IRF2: variants seen among roughly 807,000 people sequenced by gnomAD.
The protein encoded by IRF2 is interferon regulatory factor 2.
A neutral mutation model predicts 40.6 loss-of-function variants in IRF2; 15 were observed. The observed-to-expected ratio is 0.37, with a 90% CI of 0.25 to 0.57. The LOEUF is 0.57. Ranked by LOEUF, IRF2 falls within the 20% of genes least tolerant of loss-of-function variation. The pLI, the probability that IRF2 is intolerant of heterozygous loss-of-function variation, is 0.77. For missense variants in IRF2, 317 were observed against 455.7 expected (o/e 0.70, Z 2.77); for synonymous variants, 151 against 165.5 (o/e 0.91, Z 0.67).
intron 1 of IRF2, among the ~76,000 whole-genome samples, chr4:184,455,384 A>G (rs919849514): frequency 1.2e-4 from 16 of 129,850 alleles, no homozygotes; most frequent in African/African-American, 4.7e-4. Flanking sequence ...GCCTCAAGTG[A>G]TCCTCCCATC....
intron 6 of IRF2, among the ~76,000 whole-genome samples, chr4:184,401,992 G>A (rs1394780362): frequency 6.6e-6 from 1 of 152,152 alleles, no homozygotes; most frequent in Non-Finnish European, 1.5e-5. Flanking sequence ...TTCTCCCCAT[G>A]ACGTCCTAGT....
intron 7 of IRF2, 67 bp from the exon 8 acceptor site, chr4:184,390,816 G>A: frequency 1.3e-6 from 2 of 1,566,968 alleles, no homozygotes; most frequent in Non-Finnish European, 1.8e-6. Flanking sequence ...GGCTCAGGCA[G>A]TGTTTATAAA....
At chr4:184,432,071 G>A (rs1284879871) in intron 1 of IRF2, 3 of 152,164 alleles carry the variant, frequency 2.0e-5, no homozygotes, top group Non-Finnish European at 4.4e-5. Flanking sequence ...CAATTGTCAG[G>A]TAAAGCAAAG....
At chr4:184,426,871 G>A (rs1737693069) in intron 2 of IRF2, among the ~76,000 whole-genome samples, 1 of 152,204 alleles carries the variant, frequency 6.6e-6, no homozygotes, top group South Asian at 2.1e-4. Context: ...ATGCTACCTT[G>A]TTCCTCAAAA....
rs1454433682 is a variant in IRF2, at chr4:184,424,061, G to GAT, written c.88-4495_88-4494dup. On this transcript the variant is annotated intron_variant, in intron 2 of 8. Coordinates refer to ENST00000393593, the MANE Select transcript of IRF2 (RefSeq NM_002199.4). ...TGCTTTAATATACCAGATACACACA[G>GAT]ATACACACACACACACACACACAAA... Among the ~76,000 whole-genome samples, 3 of 105,320 alleles carry GAT rather than the reference G, an allele frequency of 2.8e-5. No homozygotes were observed. In the East Asian group the frequency reaches 7.3e-4, roughly 26 times the overall value. 69.1% of individuals were successfully genotyped at this position (105,320 alleles called of 152,430 possible). A position where few individuals can be genotyped will look rare whatever the true frequency, so the allele number is the denominator to read the frequency against.
intron 5 of IRF2, among the ~76,000 whole-genome samples, chr4:184,409,598 G>C (rs1736997072): frequency 6.6e-6 from 1 of 152,140 alleles, no homozygotes; most frequent in Non-Finnish European, 1.5e-5. Flanking sequence ...TAAATAAGAA[G>C]TCTGCCTTTT....
At chr4:184,445,653 AC>A (rs113967528) in intron 1 of IRF2, among the ~76,000 whole-genome samples, 2,942 of 118,796 alleles carry the variant, frequency 0.025, 115 homozygotes, top group African/African-American at 0.072. Flanking sequence ...AGACTCCATC[AC>A]AAAAAAAAAA....
chr4:184,464,871 C>T (rs927788487), intron 1 of IRF2, among the ~76,000 whole-genome samples: 10 of 149,504 alleles, frequency 6.7e-5, no homozygotes, highest in Admixed American at 6.0e-4. Flanking sequence ...TTTTTTTTTT[C>T]TCTCTCTCTC....
At chr4:184,396,284 C>T (rs964602907) in intron 7 of IRF2, among the ~76,000 whole-genome samples, 4 of 152,178 alleles carry the variant, frequency 2.6e-5, no homozygotes, top group East Asian at 3.9e-4. Context: ...AGAGCCCGTG[C>T]GCTGTCCAGG....
chr4:184,423,988 T>A (rs984142774), intron 2 of IRF2, among the ~76,000 whole-genome samples: 1 of 152,170 alleles, frequency 6.6e-6, no homozygotes, highest in Non-Finnish European at 1.5e-5. Flanking sequence ...ATATTGTGGA[T>A]ATATAAGAAA....
intron 5 of IRF2, among the ~76,000 whole-genome samples, chr4:184,412,929 C>T (rs1053507020): frequency 7.2e-5 from 11 of 152,234 alleles, no homozygotes; most frequent in African/African-American, 2.7e-4. Flanking sequence ...CACTCAAGTG[C>T]TGTACCCTCC....
chr4:184,431,462 C>T (rs1441967581), intron 1 of IRF2, among the ~76,000 whole-genome samples: 1 of 152,124 alleles, frequency 6.6e-6, no homozygotes, highest in Non-Finnish European at 1.5e-5. Flanking sequence ...AAGCTGTGCA[C>T]AGAGGAGTGC....
intron 6 of IRF2, among the ~76,000 whole-genome samples, chr4:184,406,217 A>G (rs986212920): frequency 6.7e-6 from 1 of 149,696 alleles, no homozygotes; most frequent in Non-Finnish European, 1.5e-5. Flanking sequence ...AGACTCACCC[A>G]GAGCTACTTT....
intron 2 of IRF2, chr4:184,428,661 T>G (rs1313146297): frequency 4.3e-6 from 2 of 466,516 alleles, no homozygotes; most frequent in Admixed American, 4.7e-5. Flanking sequence ...TGGCCAGGTG[T>G]GGTGACGTTT....
intron 1 of IRF2, among the ~76,000 whole-genome samples, chr4:184,449,649 C>T (rs1738642056): frequency 6.6e-6 from 1 of 152,178 alleles, no homozygotes; most frequent in African/African-American, 2.4e-5. Flanking sequence ...GAAGCGTGCA[C>T]CAATGCGTGG....
chr4:184,430,090 C>T (rs549281336), intron 1 of IRF2, among the ~76,000 whole-genome samples: 2 of 152,318 alleles, frequency 1.3e-5, no homozygotes, highest in African/African-American at 4.8e-5. Flanking sequence ...TTCTTTTGTT[C>T]ATTTCCTCCA....
intron 2 of IRF2, among the ~76,000 whole-genome samples, chr4:184,422,722 A>G (rs1737525889): frequency 6.6e-6 from 1 of 152,202 alleles, no homozygotes; most frequent in South Asian, 2.1e-4. Flanking sequence ...GAAATATTCC[A>G]GAAAAGACAG....
intron 8 of IRF2, among the ~76,000 whole-genome samples, chr4:184,389,985 G>C (rs754914245): frequency 6.6e-6 from 1 of 152,256 alleles, no homozygotes; most frequent in Non-Finnish European, 1.5e-5. Context: ...TCAGGCCAGG[G>C]TGTATGGGAG....
chr4:184,412,206 T>C (rs1338600572), intron 5 of IRF2, among the ~76,000 whole-genome samples: 1 of 152,150 alleles, frequency 6.6e-6, no homozygotes, highest in Non-Finnish European at 1.5e-5. Flanking sequence ...GTTTGGTCTC[T>C]GGTTTAAGGG....
Sources: allele counts gnomAD v4.1 joint callset (sites outside exome capture counted in the v4.1 genomes callset), GRCh38; gene constraint gnomAD v4.1.1; transcripts MANE v1.5; gene names NCBI Gene and HGNC (gene_info 2026-07-23, HGNC 2026-07-21).